AMMECR1: variants seen among roughly 807,000 people sequenced by gnomAD.
AMMECR1 encodes the protein nuclear protein AMMECR1.
A neutral mutation model predicts 22.5 loss-of-function variants in AMMECR1; 3 were observed. The observed-to-expected ratio is 0.13, with a 90% confidence interval of 0.06 to 0.35. AMMECR1 has a LOEUF of 0.35. AMMECR1 is among the 10% of genes least tolerant of loss of function. The probability of loss-of-function intolerance (pLI) is 1.00; values close to 1 mark genes in which losing one functional copy is unlikely to be tolerated. For missense variants in AMMECR1, 235 were observed against 278.7 expected, an observed-to-expected ratio of 0.84 and a Z score of 1.12; for synonymous variants, 130 against 116.7, an observed-to-expected ratio of 1.11 and a Z score of -0.74.
intron 2 of AMMECR1, among the ~76,000 whole-genome samples, chrX:110,220,574 T>C (rs1235381544): frequency 8.9e-6 from 1 of 111,983 alleles, no homozygotes; most frequent in Non-Finnish European, 1.9e-5. Flanking sequence ...GGAAATCATT[T>C]TCTAATGTTT....
chrX:110,318,278 G>A (rs868637380), upstream of AMMECR1: 14 of 126,122 alleles, frequency 1.1e-4, no homozygotes, highest in African/African-American at 3.3e-4. Context: ...TTCGCGGCTG[G>A]GCGCCTCGCG....
At chrX:110,296,073 C>T (rs1438867956) in intron 1 of AMMECR1, among the ~76,000 whole-genome samples, 3 of 112,048 alleles carry the variant, frequency 2.7e-5, no homozygotes, top group Non-Finnish European at 3.8e-5. Context: ...TGAAGGATTA[C>T]CTTTCATATT....
chrX:110,202,691 T>C (rs1602774734), intron 3 of AMMECR1, among the ~76,000 whole-genome samples, 155 bp from the exon 4 acceptor site: 1 of 111,931 alleles, frequency 8.9e-6, no homozygotes, highest in Non-Finnish European at 1.9e-5. Flanking sequence ...GACTTTGGAT[T>C]TGAAGGCCAT....
At chrX:110,370,800 A>G (rs1007206452) in intron 2 of AMMECR1, among the ~76,000 whole-genome samples, 4 of 112,125 alleles carry the variant, frequency 3.6e-5, no homozygotes, top group African/African-American at 1.3e-4. Flanking sequence ...CACATATAAC[A>G]CATCCATAAC....
At chrX:110,379,207 G>T (rs955525993) in intron 2 of AMMECR1, among the ~76,000 whole-genome samples, 47 of 112,050 alleles carry the variant, frequency 4.2e-4, no homozygotes, top group South Asian at 3.7e-4. Flanking sequence ...TTCTATTATA[G>T]CTTTCAAGGA....
chrX:110,344,862 T>C (rs1231871728), intron 2 of AMMECR1, among the ~76,000 whole-genome samples: 12 of 111,735 alleles, frequency 1.1e-4, no homozygotes, highest in Non-Finnish European at 1.3e-4. Flanking sequence ...CTGGAGAGGA[T>C]GTGGAGAAAT....
chrX:110,238,395 G>A (rs1256628906), intron 2 of AMMECR1, among the ~76,000 whole-genome samples: 1 of 111,800 alleles, frequency 8.9e-6, no homozygotes, highest in Non-Finnish European at 1.9e-5. Flanking sequence ...AAGCCGAGTA[G>A]GCGGTTTTCC....
chrX:110,266,941 T>C (rs1028878054), intron 1 of AMMECR1, among the ~76,000 whole-genome samples: 28 of 110,804 alleles, frequency 2.5e-4, no homozygotes, highest in African/African-American at 9.2e-4. Context: ...CATGTGGTGT[T>C]TGATTTTCTG....
chrX:110,293,752 G>C (rs1371831914), intron 1 of AMMECR1, among the ~76,000 whole-genome samples: 1 of 111,437 alleles, frequency 9.0e-6, no homozygotes, highest in Non-Finnish European at 1.9e-5. Context: ...GTGAAGGCAG[G>C]ATTTTTCATG....
intron 3 of AMMECR1, among the ~76,000 whole-genome samples, chrX:110,213,576 A>G (rs148199338): frequency 6.4e-4 from 72 of 112,448 alleles, no homozygotes; most frequent in African/African-American, 2.3e-3. Context: ...ATTCATGCAC[A>G]AGTTTTTGTT....
At chrX:110,266,679 C>A (rs1387227609) in intron 1 of AMMECR1, among the ~76,000 whole-genome samples, 2 of 109,706 alleles carry the variant, frequency 1.8e-5, no homozygotes, top group Admixed American at 1.9e-4. Context: ...CCGTGCCCAG[C>A]CTGTCTCTTT....
chrX:110,408,335 C>T (rs187633301), intron 2 of AMMECR1, among the ~76,000 whole-genome samples: 3 of 111,774 alleles, frequency 2.7e-5, no homozygotes, highest in South Asian at 3.8e-4. Context: ...ACAATACTGC[C>T]CCCTAGGGGA....
At chrX:110,337,868 A>G (rs2068147022) in intron 2 of AMMECR1, among the ~76,000 whole-genome samples, 1 of 112,426 alleles carries the variant, frequency 8.9e-6, no homozygotes, top group Non-Finnish European at 1.9e-5. Context: ...ACATACAATG[A>G]AACATTATTC....
chrX:110,380,971 A>C (rs2068414578), intron 2 of AMMECR1, among the ~76,000 whole-genome samples: 1 of 112,514 alleles, frequency 8.9e-6, no homozygotes, highest in Admixed American at 9.4e-5. Context: ...TAAATGTAAG[A>C]CTTCAAACTA....
intron 1 of AMMECR1, among the ~76,000 whole-genome samples, chrX:110,308,674 A>G (rs2068010258): frequency 9.0e-6 from 1 of 111,703 alleles, no homozygotes; most frequent in African/African-American, 3.3e-5. Flanking sequence ...CCTAACATCA[A>G]AGAGCTATTC....
At chrX:110,294,252 GAT>G (rs1271860651) in intron 1 of AMMECR1, among the ~76,000 whole-genome samples, 1 of 111,836 alleles carries the variant, frequency 8.9e-6, no homozygotes, top group African/African-American at 3.2e-5. Flanking sequence ...ACGGAGATGA[GAT>G]CAGCACTTTT....
intron 2 of AMMECR1, among the ~76,000 whole-genome samples, chrX:110,256,632 C>G (rs1015146314): frequency 6.3e-5 from 7 of 110,829 alleles, no homozygotes; most frequent in African/African-American, 2.3e-4. Context: ...AAAGGACTTA[C>G]GATGCAATAA....
At chrX:110,228,046 G>A (rs62595768) in intron 2 of AMMECR1, among the ~76,000 whole-genome samples, 2,174 of 111,893 alleles carry the variant, frequency 0.019, 28 homozygotes, top group Non-Finnish European at 0.033. Flanking sequence ...TTTCTCTATG[G>A]TAAGTATAAC....
At chrX:110,231,851 G>T (rs1474785016) in intron 2 of AMMECR1, among the ~76,000 whole-genome samples, 3 of 110,703 alleles carry the variant, frequency 2.7e-5, no homozygotes, top group Non-Finnish European at 5.7e-5. Context: ...GCAAAAAAAA[G>T]CAGGGGTTGC....
Sources: allele counts gnomAD v4.1 joint callset (sites outside exome capture counted in the v4.1 genomes callset), GRCh38; gene constraint gnomAD v4.1.1; transcripts MANE v1.5; gene names NCBI Gene and HGNC (gene_info 2026-07-23, HGNC 2026-07-21).